Variants in FAF1 observed in about 807,000 individuals in gnomAD.
The protein encoded by FAF1 is FAS-associated factor 1.
Under a neutral mutation model 92.5 loss-of-function variants are expected in FAF1, and 25 were observed. That is an observed-to-expected ratio of 0.27 (90% CI 0.20 to 0.38). The LOEUF is 0.38. FAF1 is among the 10% of genes least tolerant of loss of function. The pLI is 1.00. For synonymous variants in FAF1, 234 were observed against 273.2 expected, an observed-to-expected ratio of 0.86 and a Z score of 1.42; for missense variants, 636 against 793.3, an observed-to-expected ratio of 0.80 and a Z score of 2.38.
chr1:50,914,747 T>C (rs1000903726), intron 1 of FAF1, among the ~76,000 whole-genome samples: 4 of 152,352 alleles, frequency 2.6e-5, no homozygotes, highest in African/African-American at 9.6e-5. Context: ...CAATGTGCTA[T>C]ACTTAACATA....
At chr1:50,846,886 T>C in intron 2 of FAF1, 1 of 412,856 alleles carries the variant, frequency 2.4e-6, no homozygotes, top group African/African-American at 2.1e-5. Context: ...CCCTTCATAT[T>C]TGAGCAGCAT....
chr1:50,676,392 A>C (rs1656120573), intron 7 of FAF1, among the ~76,000 whole-genome samples: 1 of 150,344 alleles, frequency 6.7e-6, no homozygotes, highest in South Asian at 2.1e-4. Context: ...GGGCAACAAG[A>C]GTGAAACTCT....
Position 50,738,849 on chromosome 1 carries a change from T to C in FAF1, c.551+14A>G, listed in dbSNP as rs778033605. On this transcript the variant is annotated intron_variant, in intron 6 of 18. Transcript: ENST00000396153. ...TTTTTCATTTCATGTTCCCAGGAAA[T>C]ATAAACAACTTACCCAGCATGACTA... 1 of 1,539,306 alleles carries C rather than the reference T, an allele frequency of 6.5e-7. No individual in the cohort carries two copies. The highest frequency in any genetic ancestry group is 8.9e-7 in the Non-Finnish European group (1 of 1,119,770).
At chr1:50,445,599 T>A (rs1372533530) in intron 18 of FAF1, among the ~76,000 whole-genome samples, 1 of 152,204 alleles carries the variant, frequency 6.6e-6, no homozygotes, top group Non-Finnish European at 1.5e-5. Context: ...TCCTGAAATG[T>A]TTATAAAATA....
intron 2 of FAF1, among the ~76,000 whole-genome samples, chr1:50,854,070 G>A (rs1036518401): frequency 6.6e-6 from 1 of 151,908 alleles, no homozygotes; most frequent in African/African-American, 2.4e-5. Context: ...ATTACTAAGA[G>A]GTCTGAAAAG....
At chr1:50,562,965 C>A (rs574472474) in intron 13 of FAF1, among the ~76,000 whole-genome samples, 1 of 152,084 alleles carries the variant, frequency 6.6e-6, no homozygotes, top group South Asian at 2.1e-4. Context: ...GTCATTTTAC[C>A]TAAACAATAC....
intron 4 of FAF1, among the ~76,000 whole-genome samples, chr1:50,752,936 A>C (rs1659927273): frequency 6.6e-6 from 1 of 152,110 alleles, no homozygotes; most frequent in Non-Finnish European, 1.5e-5. Context: ...CACCTGCCTC[A>C]GCCTCCCAAA....
intron 1 of FAF1, among the ~76,000 whole-genome samples, chr1:50,880,766 T>C (rs1403438421): frequency 6.6e-6 from 1 of 152,202 alleles, no homozygotes; most frequent in Non-Finnish European, 1.5e-5. Flanking sequence ...GAGCAATTAA[T>C]GTAGGGCAGA....
At chr1:50,738,781 T>C in intron 6 of FAF1, 82 bp downstream of exon 6, 1 of 849,116 alleles carries the variant, frequency 1.2e-6, no homozygotes, top group Non-Finnish European at 1.9e-6. Flanking sequence ...TTTGATTTAA[T>C]TTTGAGGTTT....
intron 2 of FAF1, among the ~76,000 whole-genome samples, chr1:50,807,935 C>T (rs74942898): frequency 0.01 from 1,565 of 152,138 alleles, 15 homozygotes; most frequent in Middle Eastern, 0.071. Flanking sequence ...CTATAAAAGA[C>T]GACCTTGCCC....
intron 13 of FAF1, among the ~76,000 whole-genome samples, chr1:50,557,674 T>G (rs991829655): frequency 2.8e-4 from 42 of 152,272 alleles, no homozygotes; most frequent in South Asian, 8.3e-4. Flanking sequence ...TTTTATAATT[T>G]CTCTGACTGT....
intron 6 of FAF1, among the ~76,000 whole-genome samples, chr1:50,718,008 T>TTTATTTAG (rs1658251938): frequency 6.7e-6 from 1 of 150,018 alleles, no homozygotes; most frequent in Non-Finnish European, 1.5e-5. Flanking sequence ...TATTTATTTA[T>TTTATTTAG]TTATTTATTT....
intron 8 of FAF1, among the ~76,000 whole-genome samples, chr1:50,598,681 G>A (rs1466905102): frequency 6.6e-6 from 1 of 151,934 alleles, no homozygotes; most frequent in East Asian, 1.9e-4. Flanking sequence ...TGGGCGCAAT[G>A]GCTCATGTGC....
At chr1:50,923,091 G>C (rs1221996875) in intron 1 of FAF1, among the ~76,000 whole-genome samples, 1 of 152,090 alleles carries the variant, frequency 6.6e-6, no homozygotes, top group Non-Finnish European at 1.5e-5. Flanking sequence ...AACCTGAACA[G>C]AGCCATAATG....
At chr1:50,710,126 G>C (rs1408802596) in intron 6 of FAF1, among the ~76,000 whole-genome samples, 1 of 152,190 alleles carries the variant, frequency 6.6e-6, no homozygotes, top group East Asian at 1.9e-4. Flanking sequence ...AGTCTTGATT[G>C]TTATATAGAT....
intron 15 of FAF1, among the ~76,000 whole-genome samples, chr1:50,519,918 G>A (rs543149138): frequency 1.5e-4 from 23 of 152,240 alleles, no homozygotes; most frequent in African/African-American, 4.8e-5. Context: ...TCTCCATCAC[G>A]GAATTTATGT....
intron 2 of FAF1, among the ~76,000 whole-genome samples, chr1:50,827,318 T>C (rs1260115131): frequency 6.6e-6 from 1 of 152,232 alleles, no homozygotes; most frequent in Non-Finnish European, 1.5e-5. Context: ...GCTGTTAATC[T>C]ATAACCTTAC....
chr1:50,469,734 G>A (rs964008100), intron 18 of FAF1, among the ~76,000 whole-genome samples: 5 of 152,124 alleles, frequency 3.3e-5, no homozygotes, highest in Admixed American at 2.6e-4. Flanking sequence ...GGGCTATGAC[G>A]ACTTGGGCAG....
chr1:50,719,731 TG>T (rs1286596944), intron 6 of FAF1, among the ~76,000 whole-genome samples: 1 of 152,226 alleles, frequency 6.6e-6, no homozygotes, highest in Non-Finnish European at 1.5e-5. Flanking sequence ...TATCAATTTT[TG>T]TTTCCTAGAG....
Sources: allele counts gnomAD v4.1 joint callset (sites outside exome capture counted in the v4.1 genomes callset), GRCh38; gene constraint gnomAD v4.1.1; transcripts MANE v1.5; gene names NCBI Gene and HGNC (gene_info 2026-07-23, HGNC 2026-07-21).